Variants in SPATA6 observed in about 807,000 individuals in gnomAD.
SPATA6 encodes spermatogenesis associated 6.
Under a neutral mutation model 65.3 loss-of-function variants are expected in SPATA6, and 56 were observed. The ratio of observed to expected loss-of-function variants is 0.86; its 90% CI spans 0.69 to 1.07. The LOEUF (loss-of-function observed/expected upper bound fraction) is 1.07. Among genes scored for constraint, SPATA6 ranks in the 50% least tolerant of loss-of-function variants. The pLI is 0.00. For missense variants in SPATA6, 590 were observed against 594.8 expected (o/e 0.99, Z 0.08); for synonymous variants, 199 against 213.2 (o/e 0.93, Z 0.58).
intron 9 of SPATA6, among the ~76,000 whole-genome samples, chr1:48,369,024 C>T (rs1169066716): frequency 1.3e-5 from 2 of 152,212 alleles, no homozygotes; most frequent in Non-Finnish European, 2.9e-5. Flanking sequence ...ACAGGACCCT[C>T]AGCTGCAGGT....
At chr1:48,400,792 CAT>C (rs1651089267) in intron 6 of SPATA6, 1 of 1,297,252 alleles carries the variant, frequency 7.7e-7, no homozygotes, top group Non-Finnish European at 1.0e-6. Flanking sequence ...CAGATTACTC[CAT>C]CTTTCCTTCT....
chr1:48,295,221 GC>G (rs1644794317), downstream of SPATA6, among the ~76,000 whole-genome samples: 1 of 152,058 alleles, frequency 6.6e-6, no homozygotes, highest in African/African-American at 2.4e-5. Flanking sequence ...ATAGGACCCA[GC>G]AAGTCAACTC....
intron 11 of SPATA6, among the ~76,000 whole-genome samples, chr1:48,350,579 C>T (rs745964708): frequency 1.6e-4 from 25 of 151,752 alleles, no homozygotes; most frequent in Admixed American, 3.3e-4. Context: ...TTGAATTACA[C>T]GCCAAGGGGC....
At chr1:48,272,227 A>G in the SPATA6 span, among the ~76,000 whole-genome samples, 1 of 152,162 alleles carries the variant, frequency 6.6e-6, no homozygotes, top group Non-Finnish European at 1.5e-5. Context: ...CTTCTTAGCA[A>G]ATATTAATTA....
rs547429534 is a variant in SPATA6, at chr1:48,364,014, C to A, written c.910-4244G>T. ...CCCCTTCCTGTGTCCATGTGCTCTC[C>A]TTGTTCAATTCCCACCTATGAATGA... On this transcript the variant is annotated intron_variant, in intron 9 of 12. Coordinates refer to ENST00000371847, the MANE Select transcript of SPATA6 (RefSeq NM_019073.4). Among the ~76,000 whole-genome samples, 62 of 152,006 alleles carry A rather than the reference C, an allele frequency of 4.1e-4. No homozygotes were observed. The East Asian group carries it at 0.011, about 27-fold the overall frequency.
the SPATA6 span, among the ~76,000 whole-genome samples, chr1:48,277,648 G>A: frequency 6.6e-6 from 1 of 152,078 alleles, no homozygotes; most frequent in Non-Finnish European, 1.5e-5. Flanking sequence ...CCATTGCGCA[G>A]GCTTGCTTAG....
At chr1:48,364,073 T>C (rs1297351920) in intron 9 of SPATA6, among the ~76,000 whole-genome samples, 3 of 152,152 alleles carry the variant, frequency 2.0e-5, no homozygotes, top group African/African-American at 4.8e-5. Flanking sequence ...GTCCTTGCGA[T>C]AGTTTACTGA....
intron 3 of SPATA6, chr1:48,436,715 A>AT: frequency 6.2e-7 from 1 of 1,614,240 alleles, no homozygotes; most frequent in East Asian, 2.2e-5. Flanking sequence ...GTGAAGTCAG[A>AT]TATTTACAGT....
intron 3 of SPATA6, among the ~76,000 whole-genome samples, chr1:48,419,085 A>C (rs1381521694): frequency 6.6e-6 from 1 of 152,208 alleles, no homozygotes; most frequent in African/African-American, 2.4e-5. Flanking sequence ...TAAAAACAAA[A>C]AACTTATGAG....
chr1:48,332,141 C>A (rs569469564), intron 11 of SPATA6, among the ~76,000 whole-genome samples: 1 of 152,164 alleles, frequency 6.6e-6, no homozygotes, highest in Admixed American at 6.5e-5. Flanking sequence ...TAAGTACACA[C>A]ACCAGTGACA....
intron 9 of SPATA6, among the ~76,000 whole-genome samples, chr1:48,370,727 G>T (rs937851614): frequency 6.6e-6 from 1 of 152,088 alleles, no homozygotes; most frequent in African/African-American, 2.4e-5. Context: ...GTACTTTATT[G>T]GTAAGAAAAT....
intron 3 of SPATA6, among the ~76,000 whole-genome samples, chr1:48,421,199 T>TA (rs1653298907): frequency 6.6e-6 from 1 of 152,130 alleles, no homozygotes; most frequent in African/African-American, 2.4e-5. Context: ...GGCCTCTGAA[T>TA]AGTCTCAGCA....
chr1:48,318,964 T>C (rs1246362928), intron 11 of SPATA6, among the ~76,000 whole-genome samples: 1 of 152,160 alleles, frequency 6.6e-6, no homozygotes, highest in African/African-American at 2.4e-5. Context: ...AATAAACCCA[T>C]ACATTTATAG....
intron 3 of SPATA6, among the ~76,000 whole-genome samples, chr1:48,444,467 C>T (rs1045366242): frequency 6.6e-6 from 1 of 152,202 alleles, no homozygotes; most frequent in Middle Eastern, 3.4e-3. Flanking sequence ...ATGCACCAAT[C>T]GGCACTCTGT....
At chr1:48,414,190 T>C (rs777347907) in intron 3 of SPATA6, among the ~76,000 whole-genome samples, 12 of 152,210 alleles carry the variant, frequency 7.9e-5, no homozygotes, top group Non-Finnish European at 1.5e-4. Context: ...AATCCAATCA[T>C]TGGGCTCTCA....
intron 8 of SPATA6, among the ~76,000 whole-genome samples, chr1:48,386,426 T>C (rs1649469737): frequency 6.6e-6 from 1 of 152,200 alleles, no homozygotes; most frequent in African/African-American, 2.4e-5. Context: ...TTCAAGATAG[T>C]TGACTAGGGG....
At chr1:48,406,184 G>A (rs1376838370) in intron 5 of SPATA6, among the ~76,000 whole-genome samples, 1 of 151,950 alleles carries the variant, frequency 6.6e-6, no homozygotes, top group East Asian at 1.9e-4. Flanking sequence ...CCATGATCTC[G>A]CAACTGCACT....
downstream of SPATA6, among the ~76,000 whole-genome samples, chr1:48,290,787 G>A (rs901887922): frequency 2.0e-5 from 3 of 152,292 alleles, no homozygotes; most frequent in Admixed American, 1.3e-4. Flanking sequence ...AATTCAACAA[G>A]AAGAGCTAAC....
intron 5 of SPATA6, among the ~76,000 whole-genome samples, chr1:48,410,103 T>C (rs1652076967): frequency 6.6e-6 from 1 of 152,202 alleles, no homozygotes; most frequent in Non-Finnish European, 1.5e-5. Context: ...CCATTTCCCT[T>C]TTGAAATTGA....
Sources: gnomAD v4.1 joint callset for allele counts (sites outside exome capture counted in the v4.1 genomes callset) on GRCh38, gnomAD v4.1.1 for gene constraint, MANE v1.5 for transcripts, NCBI Gene and HGNC (gene_info 2026-07-23, HGNC 2026-07-21) for gene names.